Variants in NELL2 observed in about 807,000 individuals in gnomAD.
NELL2 encodes the protein protein kinase C-binding protein NELL2.
NELL2 carries 41 observed loss-of-function variants against 109.6 expected under a neutral mutation model. The observed-to-expected ratio is 0.37, with a 90% CI of 0.29 to 0.49. The LOEUF (loss-of-function observed/expected upper bound fraction) is 0.49. Ranked by LOEUF, NELL2 falls within the 20% of genes least tolerant of loss-of-function variation. NELL2 has a pLI of 0.98. For missense variants in NELL2, 900 were observed against 1,008.3 expected, an observed-to-expected ratio of 0.89 and a Z score of 1.45; for synonymous variants, 355 against 344.7, an observed-to-expected ratio of 1.03 and a Z score of -0.33.
chr12:44,876,528 C>G, upstream of NELL2: 1 of 1,417,868 alleles, frequency 7.1e-7, no homozygotes, highest in Non-Finnish European at 9.3e-7. Flanking sequence ...TCTCGATGAC[C>G]CGGGCAATGC....
rs1945315484 is a variant in NELL2, at chr12:44,876,164, C to T, written c.-295G>A. On this transcript the variant is annotated 5_prime_UTR_variant, in exon 1 of 20. Coordinates refer to ENST00000429094, the MANE Select transcript of NELL2 (RefSeq NM_001145108.2). ...GGTCGGACTCGCCCCGGCGCGGCTC[C>T]GTCGGGGAATTAGCTCCCGAGCCGA... The T allele has an allele frequency of 2.4e-6, 3 of 1,254,350 alleles. No individual in the cohort carries two copies. The highest frequency in any genetic ancestry group is 1.5e-5 in the African/African-American group (1 of 65,858). The allele number at this position is 1,254,350 out of a possible 1,614,324, so 77.7% of individuals were successfully genotyped here.
chr12:44,876,601 T>C (rs1456599648), upstream of NELL2: 1 of 1,548,514 alleles, frequency 6.5e-7, no homozygotes, highest in Non-Finnish European at 8.7e-7. Context: ...CGGTCTTTGC[T>C]CTCACCCCTC....
At chr12:44,551,015 T>C (rs1342028965) in intron 15 of NELL2, among the ~76,000 whole-genome samples, 2 of 152,074 alleles carry the variant, frequency 1.3e-5, no homozygotes, top group Non-Finnish European at 2.9e-5. Context: ...AAAGGGTTCT[T>C]ACCAATAAAC....
chr12:44,841,345 T>A (rs1318845269), intron 2 of NELL2, among the ~76,000 whole-genome samples: 1 of 152,198 alleles, frequency 6.6e-6, no homozygotes, highest in African/African-American at 2.4e-5. Context: ...AGAATCTAAC[T>A]AACTGGCAAT....
In NELL2 at chr12:44,774,956, G is replaced by C. The variant is rs888553492; in HGVS notation, c.892-107C>G. 1.1e-5 allele frequency: 9 copies of C among 787,400 alleles called. No homozygotes were observed. In the African/African-American group the frequency reaches 1.2e-4, roughly 11 times the overall value. 48.8% of individuals were successfully genotyped at this position (787,400 alleles called of 1,614,324 possible). A position where few individuals can be genotyped will look rare whatever the true frequency, so the allele number is the denominator to read the frequency against. The stretch of plus-strand genomic sequence containing the variant: ...TTAAACTCTTCATGTGAAGAGAACA[G>C]AACAGGCCATTCATTGCCAGGAGGG... On this transcript the variant is annotated intron_variant, in intron 8 of 19. Coordinates refer to ENST00000429094, the MANE Select transcript of NELL2 (RefSeq NM_001145108.2).
intron 9 of NELL2, among the ~76,000 whole-genome samples, chr12:44,720,836 C>T (rs999913310): frequency 1.3e-5 from 2 of 152,234 alleles, no homozygotes; most frequent in South Asian, 2.1e-4. Context: ...TGCAACCTCC[C>T]TTTTCTGTTT....
chr12:44,908,444 G>C (rs995656475), intron 1 of NELL2, among the ~76,000 whole-genome samples: 2 of 151,846 alleles, frequency 1.3e-5, no homozygotes, highest in African/African-American at 4.8e-5. Flanking sequence ...AATAACAGAA[G>C]GATTCATGGA....
At chr12:44,903,648 T>C (rs565377305) in intron 1 of NELL2, among the ~76,000 whole-genome samples, 1 of 152,194 alleles carries the variant, frequency 6.6e-6, no homozygotes, top group African/African-American at 2.4e-5. Flanking sequence ...CAGATGCCCA[T>C]CAATGATAGA....
chr12:44,654,185 TC>T (rs2136320879), intron 13 of NELL2, among the ~76,000 whole-genome samples: 1 of 152,288 alleles, frequency 6.6e-6, no homozygotes, highest in South Asian at 2.1e-4. Flanking sequence ...ACTATTCCCA[TC>T]TATTAAATTG....
At chr12:44,912,606 T>C (rs998660242) in intron 1 of NELL2, among the ~76,000 whole-genome samples, 1 of 152,158 alleles carries the variant, frequency 6.6e-6, no homozygotes, top group Non-Finnish European at 1.5e-5. Context: ...CTTAATTAAA[T>C]TGGCTTCCCA....
rs1258842985 is a variant in NELL2, at chr12:44,876,267, C to T, written c.-398G>A. The stretch of plus-strand genomic sequence containing the variant: ...AAGCCCGGGCTGGGGCGGCCCCGCA[C>T]CCCCCCGTCTTCCCCGCCGCCCGAA... On this transcript the variant is annotated 5_prime_UTR_variant, in exon 1 of 20. The change creates a new upstream start codon in the 5' untranslated region. Coordinates refer to ENST00000429094, the MANE Select transcript of NELL2 (RefSeq NM_001145108.2). 8.7e-7 allele frequency: 1 copy of T among 1,148,798 alleles called. No homozygotes were observed. The highest frequency in any genetic ancestry group is 1.1e-6 in the Non-Finnish European group (1 of 932,334). 71.2% of individuals were successfully genotyped at this position (1,148,798 alleles called of 1,614,324 possible).
In NELL2 at chr12:44,776,142, T is replaced by G; in HGVS notation, c.771A>C (p.Arg257=). 1 of 1,613,706 alleles carries G rather than the reference T, an allele frequency of 6.2e-7. No homozygotes were observed. The highest frequency in any genetic ancestry group is 1.3e-5 in the African/African-American group (1 of 74,986). Residue 257 remains arginine (R), a synonymous_variant, in exon 8 of 20, where the codon CGA becomes CGC. Transcript: ENST00000429094. The part of the protein sequence containing the change: ...ILAKTSAKLS[R]AEQRMNRLDQ... ...CCAATCTATTCATTCGCTGTTCAGC[T>G]CGAGACAGCTGTGGCACAAAAGAAC...
chr12:44,920,796 AAGAG>A (rs1014804628), intron 1 of NELL2, among the ~76,000 whole-genome samples: 3 of 152,190 alleles, frequency 2.0e-5, no homozygotes, highest in Admixed American at 1.3e-4. Flanking sequence ...TTTACACAGC[AAGAG>A]AGAGAGTACA....
intron 9 of NELL2, among the ~76,000 whole-genome samples, chr12:44,750,290 T>C (rs1434164987): frequency 1.3e-5 from 2 of 152,316 alleles, no homozygotes; most frequent in East Asian, 3.9e-4. Context: ...CATAATTACC[T>C]AGCAGGTAGA....
intron 1 of NELL2, among the ~76,000 whole-genome samples, chr12:44,893,117 G>A (rs1345290514): frequency 1.3e-5 from 2 of 152,118 alleles, no homozygotes; most frequent in African/African-American, 4.8e-5. Context: ...TTAGAAGTCT[G>A]AAATCAGGTA....
chr12:44,555,991 C>T (rs139047941), intron 15 of NELL2, among the ~76,000 whole-genome samples: 232 of 152,224 alleles, frequency 1.5e-3, no homozygotes, highest in African/African-American at 5.3e-3. Flanking sequence ...TCCACTCTGT[C>T]GAGCACAGCA....
At chr12:44,918,600 C>T (rs982840302), upstream of NELL2, among the ~76,000 whole-genome samples, 9 of 147,100 alleles carry the variant, frequency 6.1e-5, no homozygotes, top group Admixed American at 4.8e-4. Flanking sequence ...ACCTAAGAAC[C>T]TTAATTTTCC....
chr12:44,693,392 C>T (rs899294875), intron 12 of NELL2, among the ~76,000 whole-genome samples: 1 of 152,068 alleles, frequency 6.6e-6, no homozygotes, highest in Admixed American at 6.6e-5. Flanking sequence ...ATATGACTTG[C>T]TTTATTGCAA....
chr12:44,675,464 C>T (rs1407025429), intron 12 of NELL2, among the ~76,000 whole-genome samples: 1 of 152,120 alleles, frequency 6.6e-6, no homozygotes, highest in Non-Finnish European at 1.5e-5. Context: ...TGAACAGCTT[C>T]TCTTGCCCCA....
Sources: gnomAD v4.1 joint callset for allele counts (sites outside exome capture counted in the v4.1 genomes callset) on GRCh38, gnomAD v4.1.1 for gene constraint, MANE v1.5 for transcripts, NCBI Gene and HGNC (gene_info 2026-07-23, HGNC 2026-07-21) for gene names.